SLC4A4: variants seen among roughly 807,000 people sequenced by gnomAD.
SLC4A4 encodes electrogenic sodium bicarbonate cotransporter 1.
In SLC4A4, 27 loss-of-function variants were observed where a neutral mutation model predicts 111.5. The observed-to-expected ratio is 0.24, with a 90% CI of 0.18 to 0.33. SLC4A4 has a LOEUF of 0.33. Among genes scored for constraint, SLC4A4 ranks in the 10% least tolerant of loss-of-function variants. SLC4A4 has a pLI of 1.00. For synonymous variants in SLC4A4, 443 were observed against 463.4 expected (o/e 0.96, Z 0.57); for missense variants, 909 against 1,315.5 (o/e 0.69, Z 4.78).
At chr4:71,536,126 A>G (rs954326633) in intron 18 of SLC4A4, among the ~76,000 whole-genome samples, 1 of 151,980 alleles carries the variant, frequency 6.6e-6, no homozygotes, top group African/African-American at 2.4e-5. Flanking sequence ...CACTTGTTAC[A>G]TGGCAGCTGA....
intron 16 of SLC4A4, among the ~76,000 whole-genome samples, chr4:71,531,223 C>A (rs1733886455): frequency 1.3e-5 from 2 of 152,092 alleles, no homozygotes; most frequent in South Asian, 4.1e-4. Flanking sequence ...GCTCCCCTTA[C>A]CAACTTGCAA....
At position 71,399,448 on chromosome 4, in the gene SLC4A4, C is replaced by T. The variant is rs565856548; in HGVS notation, c.807+1795C>T. Among the ~76,000 whole-genome samples the T allele has an allele frequency of 3.8e-3, 521 of 138,374 alleles. 5 individuals carry two copies. The highest frequency in any genetic ancestry group is 0.012 in the African/African-American group (449 of 36,490). 90.8% of individuals were successfully genotyped at this position (138,374 alleles called of 152,430 possible). Reference sequence around the variant, plus strand: ...TCTCCCGTCCCTTCCCCTCCCCTTCCGTCCCCTCCCCTCCGTTCCCCTCCC... The same window carrying T: ...TCTCCCGTCCCTTCCCCTCCCCTTCTGTCCCCTCCCCTCCGTTCCCCTCCC... On this transcript the variant is annotated intron_variant, in intron 7 of 25. Coordinates refer to ENST00000264485, the MANE Select transcript of SLC4A4 (RefSeq NM_001098484.3).
chr4:71,362,011 A>C (rs1017906788), intron 6 of SLC4A4, among the ~76,000 whole-genome samples: 2 of 152,166 alleles, frequency 1.3e-5, no homozygotes, highest in Non-Finnish European at 2.9e-5. Flanking sequence ...TCTTATCCCA[A>C]AGCTTGCAAA....
chr4:71,368,477 A>G (rs1731545072), intron 6 of SLC4A4, among the ~76,000 whole-genome samples: 1 of 142,200 alleles, frequency 7.0e-6, no homozygotes, highest in South Asian at 2.1e-4. Flanking sequence ...GGAAATTGAG[A>G]TCCAGCTCTA....
intron 11 of SLC4A4, among the ~76,000 whole-genome samples, chr4:71,453,009 A>C (rs1246535475): frequency 1.3e-5 from 2 of 152,092 alleles, no homozygotes; most frequent in Non-Finnish European, 2.9e-5. Context: ...CATGTTGTTC[A>C]CTGTTATGTC....
At chr4:71,465,080 G>A (rs1298687872) in intron 12 of SLC4A4, among the ~76,000 whole-genome samples, 1 of 151,992 alleles carries the variant, frequency 6.6e-6, no homozygotes, top group Non-Finnish European at 1.5e-5. Context: ...AAATGACTGA[G>A]GGACACTGCA....
chr4:71,436,123 G>T (rs531501504), intron 7 of SLC4A4, among the ~76,000 whole-genome samples: 1 of 152,108 alleles, frequency 6.6e-6, no homozygotes, highest in Non-Finnish European at 1.5e-5. Context: ...GTTTATTGTG[G>T]CACTGTTCAC....
intron 1 of SLC4A4, among the ~76,000 whole-genome samples, chr4:71,069,880 A>G (rs986609697): frequency 1.3e-5 from 2 of 152,010 alleles, no homozygotes; most frequent in African/African-American, 4.8e-5. Context: ...CTTAATGAAT[A>G]AAATTAGTTT....
At chr4:71,084,679 T>A (rs1042381125) in intron 1 of SLC4A4, among the ~76,000 whole-genome samples, 2 of 152,056 alleles carry the variant, frequency 1.3e-5, no homozygotes, top group East Asian at 1.9e-4. Context: ...CTTGCGATAG[T>A]TTGCTGAGAA....
chr4:71,464,617 T>C (rs541132569), intron 12 of SLC4A4, among the ~76,000 whole-genome samples: 2 of 152,088 alleles, frequency 1.3e-5, no homozygotes, highest in Non-Finnish European at 1.5e-5. Flanking sequence ...TGTTTCAGAG[T>C]GTGTGTATTT....
intron 1 of SLC4A4, among the ~76,000 whole-genome samples, chr4:71,209,333 T>C (rs1717988133): frequency 6.6e-6 from 1 of 152,212 alleles, no homozygotes; most frequent in Non-Finnish European, 1.5e-5. Flanking sequence ...TCCTCCCTAA[T>C]GTGTAACAGT....
chr4:71,355,861 ATAGT>A (rs1730240329), intron 5 of SLC4A4, among the ~76,000 whole-genome samples: 1 of 152,228 alleles, frequency 6.6e-6, no homozygotes, highest in African/African-American at 2.4e-5. Context: ...TTGGAAAAGA[ATAGT>A]TATTGTTCGT....
chr4:71,087,486 T>A (rs1048159043), intron 1 of SLC4A4, among the ~76,000 whole-genome samples: 4 of 152,102 alleles, frequency 2.6e-5, no homozygotes, highest in Admixed American at 6.5e-5. Flanking sequence ...AGTTCTTTTA[T>A]TTGTGATGTT....
chr4:71,540,648 T>C (rs1869377), intron 18 of SLC4A4, among the ~76,000 whole-genome samples: 34,056 of 152,136 alleles, frequency 0.22, 3,990 homozygotes, highest in East Asian at 0.4. Flanking sequence ...GGATTTTCCC[T>C]ATTCACCACC....
intron 20 of SLC4A4, among the ~76,000 whole-genome samples, chr4:71,548,231 T>G (rs1386493854): frequency 6.6e-6 from 1 of 151,918 alleles, no homozygotes; most frequent in African/African-American, 2.4e-5. Context: ...TCAGATGGCC[T>G]TATAATTCAC....
intron 10 of SLC4A4, among the ~76,000 whole-genome samples, chr4:71,450,900 G>A (rs1577935556): frequency 1.3e-5 from 2 of 152,292 alleles, no homozygotes; most frequent in East Asian, 3.9e-4. Context: ...AAGACATTGG[G>A]TAAAATAGTT....
At chr4:71,346,568 T>C (rs115964141) in intron 4 of SLC4A4, among the ~76,000 whole-genome samples, 156 of 152,248 alleles carry the variant, frequency 1.0e-3, no homozygotes, top group Non-Finnish European at 1.5e-3. Flanking sequence ...AAAGCACCTT[T>C]GCAGATTCAT....
intron 1 of SLC4A4, among the ~76,000 whole-genome samples, chr4:71,200,469 T>A (rs971871221): frequency 1.3e-5 from 2 of 152,244 alleles, no homozygotes; most frequent in African/African-American, 2.4e-5. Flanking sequence ...CATTATATAA[T>A]TCAGACGTGG....
At chr4:71,544,474 A>G (rs767222000) in intron 18 of SLC4A4, among the ~76,000 whole-genome samples, 9 of 151,958 alleles carry the variant, frequency 5.9e-5, no homozygotes, top group Non-Finnish European at 1.3e-4. Context: ...AGGCCAGATC[A>G]TGAATGAACC....
Sources: allele counts gnomAD v4.1 joint callset (sites outside exome capture counted in the v4.1 genomes callset), GRCh38; gene constraint gnomAD v4.1.1; transcripts MANE v1.5; gene names NCBI Gene and HGNC (gene_info 2026-07-23, HGNC 2026-07-21).